The following CTIF variants were observed in gnomAD, a reference collection of about 807,000 sequenced individuals.
The protein encoded by CTIF is cap binding complex dependent translation initiation factor.
A neutral mutation model predicts 66.0 loss-of-function variants in CTIF; 21 were observed. The observed-to-expected ratio is 0.32, with a 90% CI of 0.23 to 0.46. The LOEUF is 0.46. Ranked by LOEUF, CTIF falls within the 20% of genes least tolerant of loss-of-function variation. The probability of loss-of-function intolerance (pLI) is 1.00; values close to 1 mark genes in which losing one functional copy is unlikely to be tolerated. For synonymous variants in CTIF, 345 were observed against 326.4 expected (o/e 1.06, Z -0.62); for missense variants, 739 against 812.7 (o/e 0.91, Z 1.10).
rs760748523 is a variant in CTIF, at chr18:48,619,637, G to A, written c.72G>A (p.Leu24=). The change falls in exon 2 of 12, where the codon CTG becomes CTA. Residue 24 remains leucine, a synonymous_variant. Transcript: ENST00000256413. ...GCCGCTCCCAGGAGATCGAGGAGCT[G>A]GAGCGCTTCATCGACAGCTACGTGC... The part of the protein sequence containing the change: ...GSSRSQEIEE[L]ERFIDSYVLE... The A allele has an allele frequency of 6.2e-7, 1 of 1,606,064 alleles. No homozygotes were observed. The highest frequency in any genetic ancestry group is 8.5e-7 in the Non-Finnish European group (1 of 1,176,598).
chr18:48,792,003 C>G (rs1346692768), intron 9 of CTIF, among the ~76,000 whole-genome samples: 1 of 152,230 alleles, frequency 6.6e-6, no homozygotes, highest in Non-Finnish European at 1.5e-5. Context: ...CAGACAGACT[C>G]AGCAACCTGC....
chr18:48,650,349 C>G (rs1003588091), intron 3 of CTIF, among the ~76,000 whole-genome samples: 3 of 152,088 alleles, frequency 2.0e-5, no homozygotes, highest in African/African-American at 4.8e-5. Context: ...CTTTAATAGT[C>G]AATTTGATCA....
chr18:48,706,344 T>A (rs1460499434), intron 6 of CTIF, among the ~76,000 whole-genome samples: 1 of 152,126 alleles, frequency 6.6e-6, no homozygotes, highest in Non-Finnish European at 1.5e-5. Flanking sequence ...GATGGGTGGA[T>A]GGAGGCATAG....
chr18:48,843,380 C>A (rs1179284419), intron 10 of CTIF, among the ~76,000 whole-genome samples: 1 of 152,136 alleles, frequency 6.6e-6, no homozygotes, highest in African/African-American at 2.4e-5. Context: ...CCATCCTGTT[C>A]CCTGCGGAGT....
At position 48,859,815 on chromosome 18, in the gene CTIF, C is replaced by A; in HGVS notation, c.*256C>A. ...AGCATGTTTCTTTTTCCTGGTGGCCCTGGCCCTCCCCTTCCTCACTCCCGC... is the reference window on the plus strand; with the variant it reads ...AGCATGTTTCTTTTTCCTGGTGGCCATGGCCCTCCCCTTCCTCACTCCCGC... On this transcript the variant is annotated 3_prime_UTR_variant, in exon 12 of 12. Coordinates refer to ENST00000256413, the MANE Select transcript of CTIF (RefSeq NM_014772.3). 1.5e-6 allele frequency: 1 copy of A among 649,950 alleles called. No individual in the cohort carries two copies. 40.3% of individuals were successfully genotyped at this position (649,950 alleles called of 1,614,324 possible).
At chr18:48,700,586 G>A (rs776030286) in intron 6 of CTIF, among the ~76,000 whole-genome samples, 2 of 152,212 alleles carry the variant, frequency 1.3e-5, no homozygotes, top group South Asian at 4.1e-4. Context: ...CTGTGCGAAC[G>A]TGACTACTGC....
chr18:48,607,478 G>A (rs2144241051), intron 1 of CTIF, among the ~76,000 whole-genome samples: 1 of 152,330 alleles, frequency 6.6e-6, no homozygotes, highest in East Asian at 1.9e-4. Flanking sequence ...ATACCAAGGT[G>A]GGCAGAGCAT....
intron 1 of CTIF, among the ~76,000 whole-genome samples, chr18:48,612,424 G>A (rs1272373239): frequency 6.6e-6 from 1 of 152,216 alleles, no homozygotes; most frequent in Non-Finnish European, 1.5e-5. Context: ...TCTGGGTGAA[G>A]GTGTTGCTCC....
chr18:48,659,097 CCT>C (rs1425135441), intron 3 of CTIF, among the ~76,000 whole-genome samples: 1 of 152,078 alleles, frequency 6.6e-6, no homozygotes, highest in Non-Finnish European at 1.5e-5. Flanking sequence ...TTCTCCAGCC[CCT>C]GTTGATGAAA....
At chr18:48,846,935 C>T (rs1044399942) in intron 10 of CTIF, among the ~76,000 whole-genome samples, 2 of 151,834 alleles carry the variant, frequency 1.3e-5, no homozygotes. Flanking sequence ...AGGTAGTGGC[C>T]AATACAGACA....
At chr18:48,623,906 C>A (rs1436947779) in intron 2 of CTIF, among the ~76,000 whole-genome samples, 1 of 148,602 alleles carries the variant, frequency 6.7e-6, no homozygotes, top group South Asian at 2.2e-4. Context: ...GATAGACAGA[C>A]AGATAGATAA....
At chr18:48,597,041 G>A (rs1343744220) in intron 1 of CTIF, among the ~76,000 whole-genome samples, 2 of 152,280 alleles carry the variant, frequency 1.3e-5, no homozygotes, top group Admixed American at 6.5e-5. Flanking sequence ...CCAAATTCCT[G>A]GTCTCCTGGG....
intron 9 of CTIF, among the ~76,000 whole-genome samples, chr18:48,805,452 G>A (rs2068126230): frequency 6.6e-6 from 1 of 152,124 alleles, no homozygotes; most frequent in Non-Finnish European, 1.5e-5. Flanking sequence ...ACTAGCCTCA[G>A]CAAAGCCCTG....
chr18:48,675,514 G>A (rs571064169), intron 6 of CTIF, among the ~76,000 whole-genome samples: 1 of 152,346 alleles, frequency 6.6e-6, no homozygotes, highest in Non-Finnish European at 1.5e-5. Context: ...GTCTTCACCG[G>A]CCATGCCTCC....
intron 1 of CTIF, among the ~76,000 whole-genome samples, chr18:48,582,632 G>A (rs774228389): frequency 3.9e-5 from 6 of 152,174 alleles, no homozygotes; most frequent in Non-Finnish European, 5.9e-5. Flanking sequence ...TGGCTTCCCT[G>A]CTAGCATAGG....
At chr18:48,735,375 A>C (rs1324113005) in intron 7 of CTIF, among the ~76,000 whole-genome samples, 3 of 152,216 alleles carry the variant, frequency 2.0e-5, no homozygotes, top group Non-Finnish European at 4.4e-5. Flanking sequence ...AATTAGAGCC[A>C]GTGCGCCAAT....
intron 5 of CTIF, among the ~76,000 whole-genome samples, chr18:48,664,900 T>G (rs2091410339): frequency 1.9e-5 from 2 of 103,634 alleles, no homozygotes; most frequent in Non-Finnish European, 1.9e-5. Flanking sequence ...TGAGGCTGTG[T>G]GTTTCTTTCT....
chr18:48,820,800 G>C (rs1023225417), intron 10 of CTIF, among the ~76,000 whole-genome samples: 2 of 152,208 alleles, frequency 1.3e-5, no homozygotes, highest in Admixed American at 6.5e-5. Context: ...GGCCATCTCT[G>C]AGTGAAGGGT....
chr18:48,790,236 C>T (rs1161848141), intron 9 of CTIF, among the ~76,000 whole-genome samples: 3 of 152,206 alleles, frequency 2.0e-5, no homozygotes, highest in East Asian at 3.8e-4. Context: ...TGAGTACAGC[C>T]ACCTCCTTTT....
Sources: allele counts gnomAD v4.1 joint callset (sites outside exome capture counted in the v4.1 genomes callset), GRCh38; gene constraint gnomAD v4.1.1; transcripts MANE v1.5; gene names NCBI Gene and HGNC (gene_info 2026-07-23, HGNC 2026-07-21).